The following PTPRU variants were observed in gnomAD, a reference collection of about 807,000 sequenced individuals.
PTPRU encodes receptor-type tyrosine-protein phosphatase U.
In PTPRU, 69 loss-of-function variants were observed where a neutral mutation model predicts 166.3. That is an observed-to-expected ratio of 0.41 (90% CI 0.34 to 0.51). The LOEUF is 0.51. Ranked by LOEUF, PTPRU falls within the 20% of genes least tolerant of loss-of-function variation. PTPRU has a pLI of 0.09. For synonymous variants in PTPRU, 793 were observed against 814.0 expected, an observed-to-expected ratio of 0.97 and a Z score of 0.44; for missense variants, 1,657 against 2,013.7, an observed-to-expected ratio of 0.82 and a Z score of 3.39.
rs1366778445 is a variant in PTPRU at position 29,275,521 on chromosome 1, A to G, written c.1218A>G (p.Pro406=). The G allele has an allele frequency of 5.6e-6, 9 of 1,614,214 alleles. No individual in the cohort carries two copies. The highest frequency in any genetic ancestry group is 5.9e-6 in the Non-Finnish European group (7 of 1,180,034). ...GTCAGCTGACCCTGCAGTGGGAACC[A>G]CTGGGCTACAACGTGACGCGTTGCC... The part of the protein sequence containing the change: ...QARQLTLQWE[P]LGYNVTRCHT... The change falls in exon 8 of 30, where the codon CCA becomes CCG. Residue 406 remains proline (P), a synonymous_variant. Coordinates refer to ENST00000373779, the MANE Select transcript of PTPRU (RefSeq NM_133178.4).
chr1:29,297,204 G>T (rs981978420), intron 15 of PTPRU, among the ~76,000 whole-genome samples: 2 of 151,928 alleles, frequency 1.3e-5, no homozygotes, highest in Non-Finnish European at 2.9e-5. Flanking sequence ...ACAGGCACCT[G>T]CCATCATGCC....
Position 29,315,316 on chromosome 1 carries a change from A to C in PTPRU, c.3228-56A>C. On this transcript the variant is annotated intron_variant, in intron 22 of 29. Transcript: ENST00000373779. This position sits in a 1 kb window ranked among gnomAD's most constrained non-coding sequence, Gnocchi z 4.5. ...AGTGCCCTCCTCTCTTCTTCTCCTT[A>C]GTCCCGGGCTTCCTCCCCAAAGCTC... 1.2e-6 allele frequency: 2 copies of C among 1,606,948 alleles called. No individual in the cohort carries two copies. Among genetic ancestry groups the C allele is most frequent in the Middle Eastern group, 3.8e-4 (2 of 5,196 alleles).
At chr1:29,245,603 G>A (rs931853659) in intron 1 of PTPRU, among the ~76,000 whole-genome samples, 2 of 152,180 alleles carry the variant, frequency 1.3e-5, no homozygotes, top group Non-Finnish European at 2.9e-5. Flanking sequence ...GAGGGTGTGC[G>A]TTCTCCTGAG....
chr1:29,269,748 A>C (rs1685482546), intron 7 of PTPRU, among the ~76,000 whole-genome samples: 1 of 152,136 alleles, frequency 6.6e-6, no homozygotes, highest in East Asian at 1.9e-4. Flanking sequence ...TAAAATAAGC[A>C]CTCCGAAGCT....
intron 29 of PTPRU, 89 bp downstream of exon 29, chr1:29,325,415 G>A: frequency 6.5e-7 from 1 of 1,542,492 alleles, no homozygotes. Flanking sequence ...CCATATCTGG[G>A]CCCCACCACT....
In PTPRU at chr1:29,261,048, T is replaced by C; in HGVS notation, c.1144+145T>C. On this transcript the variant is annotated intron_variant, in intron 7 of 29. Transcript: ENST00000373779. The stretch of plus-strand genomic sequence containing the variant: ...TCAACCCTTGTTATGGTAAAGATAA[T>C]GATAGCTAATACTTTACTTTGTGTC... 3.1e-6 allele frequency: 3 copies of C among 962,712 alleles called. No individual in the cohort carries two copies. In the East Asian group the frequency reaches 9.4e-5, roughly 30 times the overall value. 59.6% of individuals were successfully genotyped at this position (962,712 alleles called of 1,614,324 possible).
At chr1:29,312,968 C>T (rs997557477) in intron 22 of PTPRU, among the ~76,000 whole-genome samples, 2 of 152,208 alleles carry the variant, frequency 1.3e-5, no homozygotes, top group African/African-American at 4.8e-5. Flanking sequence ...GGAGGGGCCT[C>T]CGGGCCGCTG....
chr1:29,287,472 G>A (rs927455081), intron 14 of PTPRU, among the ~76,000 whole-genome samples: 3 of 152,198 alleles, frequency 2.0e-5, no homozygotes, highest in Admixed American at 6.5e-5. Context: ...CAGGGGAGTC[G>A]GGTCTCCCCA....
At chr1:29,314,583 A>ATT (rs11436233) in intron 22 of PTPRU, among the ~76,000 whole-genome samples, 21 of 148,502 alleles carry the variant, frequency 1.4e-4, no homozygotes, top group Admixed American at 2.7e-4. Context: ...GAATTAATTA[A>ATT]TTTTTTTTTT....
chr1:29,304,693 C>A, intron 16 of PTPRU, 81 bp from the exon 17 acceptor site: 2 of 1,114,918 alleles, frequency 1.8e-6, no homozygotes, highest in Non-Finnish European at 2.6e-6. Flanking sequence ...CCCCATCCTG[C>A]CTACATCATC....
chr1:29,323,570 A>G, intron 27 of PTPRU, 61 bp from the exon 28 acceptor site: 2 of 1,611,722 alleles, frequency 1.2e-6, no homozygotes, highest in Non-Finnish European at 1.7e-6. Flanking sequence ...CCTCTGTGTC[A>G]TCAGGGGCCC....
In PTPRU at chr1:29,259,332, C is replaced by G; in HGVS notation, c.549C>G (p.Ser183Arg). ...GCCTAGATGACATCCTGCTTCTCAG[C>G]TACCCCTGCGGTGAGTCCCAGCCCA... ...YMGLDDILLL[S>R]YPCAKAPHFS... is the part of the protein sequence containing the mutation. The change falls in exon 4 of 30, where the codon AGC (serine) becomes AGG (arginine). Residue 183 changes from serine to arginine, a missense_variant. Physicochemically the swap from Ser to Arg is moderately radical, Grantham distance 110. Coordinates refer to ENST00000373779, the MANE Select transcript of PTPRU (RefSeq NM_133178.4). 1 of 1,614,034 alleles carries G rather than the reference C, an allele frequency of 6.2e-7. No individual in the cohort carries two copies. The highest frequency in any genetic ancestry group is 8.5e-7 in the Non-Finnish European group (1 of 1,179,946).
chr1:29,251,149 A>G (rs1248646990), intron 1 of PTPRU, among the ~76,000 whole-genome samples: 1 of 152,190 alleles, frequency 6.6e-6, no homozygotes, highest in Admixed American at 6.5e-5. Flanking sequence ...GCTACTTTGC[A>G]GGCTGAGGCA....
At position 29,259,257 on chromosome 1, in the gene PTPRU, C is replaced by G; in HGVS notation, c.478-4C>G. On this transcript the variant is annotated splice_polypyrimidine_tract_variant and splice_region_variant and intron_variant, in intron 3 of 29. Coordinates refer to ENST00000373779, the MANE Select transcript of PTPRU (RefSeq NM_133178.4). The stretch of plus-strand genomic sequence containing the variant: ...TATGATAGGGGCCCTCCCGCCTCCC[C>G]CAGGTGCTGTTTGAGGCCCTCATCT... 6.2e-7 allele frequency: 1 copy of G among 1,612,790 alleles called. No homozygotes were observed. The highest frequency in any genetic ancestry group is 8.5e-7 in the Non-Finnish European group (1 of 1,179,048).
Position 29,260,111 on chromosome 1 carries a change from G to T in PTPRU, c.850+67G>T. On this transcript the variant is annotated intron_variant, in intron 6 of 29. Transcript: ENST00000373779. The surrounding 1 kb of genome is among the most constrained non-coding windows in gnomAD (Gnocchi z 8.3). ...GAGGGGCGGGGCCGGCGACGGGGGC[G>T]GGCTCTGCCCGGGGGCGTGGCCGTG... 1 of 1,336,546 alleles carries T rather than the reference G, an allele frequency of 7.5e-7. No homozygotes were observed. The highest frequency in any genetic ancestry group is 9.6e-7 in the Non-Finnish European group (1 of 1,045,358). The allele number at this position is 1,336,546 out of a possible 1,614,324, so 82.8% of individuals were successfully genotyped here.
intron 1 of PTPRU, among the ~76,000 whole-genome samples, chr1:29,241,588 T>C (rs1684058627): frequency 6.6e-6 from 1 of 151,388 alleles, no homozygotes; most frequent in Non-Finnish European, 1.5e-5. Context: ...TTTTTCTTCT[T>C]CTTCTTCTTC....
chr1:29,320,960 C>A lies in PTPRU; in HGVS notation c.3828+135C>A. 7.1e-6 allele frequency: 7 copies of A among 991,616 alleles called. No individual in the cohort carries two copies. The highest frequency in any genetic ancestry group is 9.6e-6 in the Non-Finnish European group (7 of 728,350). The allele number at this position is 991,616 out of a possible 1,614,324, so 61.4% of individuals were successfully genotyped here. A position where few individuals can be genotyped will look rare whatever the true frequency, so the allele number is the denominator to read the frequency against. On this transcript the variant is annotated intron_variant, in intron 26 of 29. Coordinates refer to ENST00000373779, the MANE Select transcript of PTPRU (RefSeq NM_133178.4). This position sits in a 1 kb window ranked among gnomAD's most constrained non-coding sequence, Gnocchi z 5.2. The stretch of plus-strand genomic sequence containing the variant: ...TATTGTGTGATGAATCATACACCTT[C>A]CCAGAGCCTCAGTTTCTTCATCTGT...
chr1:29,292,118 C>A lies in PTPRU; in HGVS notation c.2476+92C>A. The stretch of plus-strand genomic sequence containing the variant: ...CCCACATCAGGTGAGTTCTGTAACA[C>A]CTGCAACCAAAAGTGAAGCATCTGT... On this transcript the variant is annotated intron_variant, in intron 15 of 29. Coordinates refer to ENST00000373779, the MANE Select transcript of PTPRU (RefSeq NM_133178.4). 3 of 1,455,514 alleles carry A rather than the reference C, an allele frequency of 2.1e-6. No homozygotes were observed. In the South Asian group the frequency reaches 3.9e-5, roughly 19 times the overall value. The allele number at this position is 1,455,514 out of a possible 1,614,324, so 90.2% of individuals were successfully genotyped here. A position where few individuals can be genotyped will look rare whatever the true frequency, so the allele number is the denominator to read the frequency against.
intron 15 of PTPRU, among the ~76,000 whole-genome samples, chr1:29,296,279 T>G (rs1231058120): frequency 6.6e-6 from 1 of 152,226 alleles, no homozygotes; most frequent in Non-Finnish European, 1.5e-5. Flanking sequence ...GGTAGAAATG[T>G]TTTTATCAGG....
Sources: gnomAD v4.1 joint callset for allele counts (sites outside exome capture counted in the v4.1 genomes callset) on GRCh38, gnomAD v4.1.1 for gene constraint, Gnocchi (gnomAD v3.1) non-coding constraint, MANE v1.5 for transcripts, NCBI Gene and HGNC (gene_info 2026-07-23, HGNC 2026-07-21) for gene names.